DNHD1: variants seen among roughly 807,000 people sequenced by gnomAD.
DNHD1 encodes the protein dynein heavy chain domain-containing protein 1.
A neutral mutation model predicts 458.1 loss-of-function variants in DNHD1; 383 were observed. The ratio of observed to expected loss-of-function variants is 0.84; its 90% CI spans 0.77 to 0.91. The LOEUF (loss-of-function observed/expected upper bound fraction) is 0.91. DNHD1 is among the 40% of genes least tolerant of loss of function. The probability of loss-of-function intolerance (pLI) is 0.00; values close to 1 mark genes in which losing one functional copy is unlikely to be tolerated. For missense variants in DNHD1, 5,336 were observed against 5,866.1 expected (o/e 0.91, Z 2.95); for synonymous variants, 2,203 against 2,376.9 (o/e 0.93, Z 2.13).
At chr11:6,519,899 G>C in intron 8 of DNHD1, 45 bp downstream of exon 8, 1 of 1,612,916 alleles carries the variant, frequency 6.2e-7, no homozygotes, top group African/African-American at 1.3e-5. Context: ...GCAGTCCAGG[G>C]CCAGATGCTG....
rs1395472921 is a variant in DNHD1 at position 6,557,832 on chromosome 11, A to G, written c.8537A>G (p.Glu2846Gly). The change falls in exon 25 of 43, where the codon GAG (glutamate) becomes GGG (glycine). Residue 2846 changes from glutamate (E) to glycine (G), a missense_variant. By Grantham distance (98) the Glu-to-Gly change is moderately conservative. Transcript: ENST00000254579. Reference protein sequence around the residue: ...LYLERQWEKLEEQLATSAAQL... With the variant: ...LYLERQWEKLGEQLATSAAQL... ...CTGGAACGACAGTGGGAGAAGCTAG[A>G]GGAGCAGTTGGCCACCTCAGCTGCT... is the stretch of plus-strand genomic sequence containing the variant. 1 of 1,551,286 alleles carries G rather than the reference A, an allele frequency of 6.4e-7. No individual in the cohort carries two copies. The highest frequency in any genetic ancestry group is 8.7e-7 in the Non-Finnish European group (1 of 1,147,000).
intron 28 of DNHD1, among the ~76,000 whole-genome samples, chr11:6,559,816 T>C (rs531730304): frequency 6.6e-6 from 1 of 152,330 alleles, no homozygotes; most frequent in Non-Finnish European, 1.5e-5. Context: ...GTGTCCTGAA[T>C]TGTCTTACTC....
At position 6,548,435 on chromosome 11, in the gene DNHD1, G is replaced by T. The variant is rs983092286; in HGVS notation, c.7098+33G>T. 2 of 1,545,262 alleles carry T rather than the reference G, an allele frequency of 1.3e-6. No homozygotes were observed. The highest frequency in any genetic ancestry group is 2.7e-5 in the African/African-American group (2 of 72,892). ...GACAGTAAGGCAAGAGCTGGGGTTA[G>T]AACTTCAGGACTTATTTTAGGGGTA... On this transcript the variant is annotated intron_variant, in intron 23 of 42. Transcript: ENST00000254579. The surrounding 1 kb of genome is among the most constrained non-coding windows in gnomAD (Gnocchi z 4.4).
At chr11:6,517,649 CTTCTTTTTTTTTTTTTT>C (rs1852506941) in intron 7 of DNHD1, among the ~76,000 whole-genome samples, 1 of 85,614 alleles carries the variant, frequency 1.2e-5, no homozygotes, top group South Asian at 4.8e-4. Flanking sequence ...TGATCTAGGA[CTTCTTTTTTTTTTTTTT>C]TTTTTTTTTT....
At chr11:6,563,281 C>T (rs946356916) in intron 29 of DNHD1, 101 bp from the exon 30 acceptor site, 3 of 1,498,298 alleles carry the variant, frequency 2.0e-6, no homozygotes, top group Non-Finnish European at 2.7e-6. Flanking sequence ...GGGGAGTGGC[C>T]TCTCATGGGG....
chr11:6,539,181 T>C, intron 16 of DNHD1, 38 bp from the exon 17 acceptor site: 1 of 1,407,520 alleles, frequency 7.1e-7, no homozygotes, highest in Non-Finnish European at 9.8e-7. Flanking sequence ...CTCTGCCACA[T>C]ACTGGGTGTT....
Position 6,557,390 on chromosome 11 carries a change from G to T in DNHD1, c.8095G>T (p.Glu2699Ter). Residue 2699 changes from glutamate to a stop codon, truncating the protein, a stop_gained, in exon 25 of 43, where the codon GAG becomes TAG. Transcript: ENST00000254579. LOFTEE classifies it high-confidence loss of function. Reference protein sequence around the residue: ...LGKDHQESEEEEEEERVPEVE... With the variant: ...LGKDHQESEE ...CAAGGACCATCAGGAGAGTGAGGAGGAGGAGGAGGAGGAGAGGGTGCCCGA... is the reference window on the plus strand; with the variant it reads ...CAAGGACCATCAGGAGAGTGAGGAGTAGGAGGAGGAGGAGAGGGTGCCCGA... The T allele has an allele frequency of 6.4e-7, 1 of 1,550,760 alleles. No individual in the cohort carries two copies.
chr11:6,521,353 T>G (rs1353087065), intron 10 of DNHD1, among the ~76,000 whole-genome samples: 1 of 152,224 alleles, frequency 6.6e-6, no homozygotes. Flanking sequence ...AAATATGCTG[T>G]AGTATTTTTT....
Position 6,544,120 on chromosome 11 carries a change from G to T in DNHD1, c.3629-1G>T. The T allele has an allele frequency of 6.4e-7, 1 of 1,551,536 alleles. No homozygotes were observed. On this transcript the variant is annotated splice_acceptor_variant, in intron 18 of 42. Coordinates refer to ENST00000254579, the MANE Select transcript of DNHD1 (RefSeq NM_144666.3). LOFTEE classifies it high-confidence loss of function. ...TGCCAGTTCAGCTTTTTCTGTCTTA[G>T]ATTACAGCAACCTGCAGGATTCCAT...
At chr11:6,512,211 C>CTTTTTTTTTT (rs11287049) in intron 7 of DNHD1, among the ~76,000 whole-genome samples, 140 of 91,628 alleles carry the variant, frequency 1.5e-3, no homozygotes, top group African/African-American at 1.9e-3. Context: ...CTTTTTCTTT[C>CTTTTTTTTTT]TTTTTTTTTT....
chr11:6,499,232 A>T (rs1001398783), intron 3 of DNHD1, among the ~76,000 whole-genome samples: 25 of 152,250 alleles, frequency 1.6e-4, no homozygotes, highest in African/African-American at 4.8e-4. Flanking sequence ...TTAGAATAAC[A>T]GCTTGACTTT....
At chr11:6,502,967 G>C in intron 4 of DNHD1, 41 bp downstream of exon 4, 1 of 1,601,360 alleles carries the variant, frequency 6.2e-7, no homozygotes, top group Non-Finnish European at 8.5e-7. Context: ...CCCCCTGCCT[G>C]GTTTCCTTCT....
chr11:6,540,175 C>G, intron 18 of DNHD1, 92 bp downstream of exon 18: 1 of 1,143,894 alleles, frequency 8.7e-7, no homozygotes, highest in Non-Finnish European at 1.3e-6. Flanking sequence ...ATCTGATTCT[C>G]TAGCCAGGGC....
In DNHD1 at chr11:6,545,686, G is replaced by C; in HGVS notation, c.4747G>C (p.Asp1583His). ...GCTGGTCATGGCAGTGACTCACCGG[G>C]ATATAGCACAGCTGCTGGAACAGCA... ...ALLVMAVTHRDIAQLLEQHQV... is the reference protein window; with the variant it reads ...ALLVMAVTHRHIAQLLEQHQV... Residue 1583 changes from aspartate to histidine, a missense_variant, in exon 21 of 43, where the codon GAT (aspartate) becomes CAT (histidine). Asp to His is a moderately conservative substitution (Grantham distance 81). Transcript: ENST00000254579. This position sits in a 1 kb window ranked among gnomAD's most constrained non-coding sequence, Gnocchi z 4.9. 1 of 1,551,726 alleles carries C rather than the reference G, an allele frequency of 6.4e-7. No individual in the cohort carries two copies. The highest frequency in any genetic ancestry group is 8.7e-7 in the Non-Finnish European group (1 of 1,147,002).
chr11:6,548,139 G>A lies in DNHD1; in HGVS notation c.6906-71G>A. On this transcript the variant is annotated intron_variant, in intron 22 of 42. Coordinates refer to ENST00000254579, the MANE Select transcript of DNHD1 (RefSeq NM_144666.3). This position sits in a 1 kb window ranked among gnomAD's most constrained non-coding sequence, Gnocchi z 4.4. ...GACATCACTGTTAGGGTATGGTGGA[G>A]TGTGTGAGTGTGTCATAAATGGAAG... is the stretch of plus-strand genomic sequence containing the variant. The A allele has an allele frequency of 2.6e-6, 4 of 1,543,206 alleles. No homozygotes were observed. The highest frequency in any genetic ancestry group is 2.6e-6 in the Non-Finnish European group (3 of 1,139,552).
rs1274334614 is a variant in DNHD1 at position 6,571,012 on chromosome 11, A to G, written c.13500A>G (p.Gln4500=). 1 of 1,595,362 alleles carries G rather than the reference A, an allele frequency of 6.3e-7. No individual in the cohort carries two copies. Among genetic ancestry groups the G allele is most frequent in the Admixed American group, 1.7e-5 (1 of 59,096 alleles). Reference sequence around the variant, plus strand: ...TGAGCCAGTTGGTGGGCACGCTACAACGCGACCTTGATTGCCTGTTGCAGC... The same window carrying G: ...TGAGCCAGTTGGTGGGCACGCTACAGCGCGACCTTGATTGCCTGTTGCAGC... The part of the protein sequence containing the change: ...LELSQLVGTL[Q]RDLDCLLQQL... The change falls in exon 42 of 43, where the codon CAA becomes CAG. Residue 4500 remains glutamine, a synonymous_variant. Transcript: ENST00000254579. The surrounding 1 kb of genome is among the most constrained non-coding windows in gnomAD (Gnocchi z 5.0).
At chr11:6,569,963 C>T (rs1162247587) in intron 39 of DNHD1, 46 bp from the exon 40 acceptor site, 1 of 1,540,654 alleles carries the variant, frequency 6.5e-7, no homozygotes, top group Admixed American at 1.7e-5. Flanking sequence ...CAGTCCTCAG[C>T]ATATAGATGA....
At position 6,505,379 on chromosome 11, in the gene DNHD1, A is replaced by G. The variant is rs983706632; in HGVS notation, c.920+2453A>G. ...GCGATTCTCCTGCCACAGCCTCCCA[A>G]GTAGCTTTGATTACAGGCACTTGCT... is the stretch of plus-strand genomic sequence containing the variant. On this transcript the variant is annotated intron_variant, in intron 4 of 42. Coordinates refer to ENST00000254579, the MANE Select transcript of DNHD1 (RefSeq NM_144666.3). This position sits in a 1 kb window ranked among gnomAD's most constrained non-coding sequence, Gnocchi z 4.4. Among the ~76,000 whole-genome samples, 1 of 151,860 alleles carries G rather than the reference A, an allele frequency of 6.6e-6. No individual in the cohort carries two copies. The highest frequency in any genetic ancestry group is 2.4e-5 in the African/African-American group (1 of 41,348).
chr11:6,570,070 A>ACGGCAAG lies in DNHD1; in HGVS notation c.12925_12926insCGGCAAG (p.Asn4309ThrfsTer25). ...AGACCAGCTGTGGGCAAGTCTTAGC[A>ACGGCAAG]ATCCCCGTGCTGCCATGCAAGAGCT... is the stretch of plus-strand genomic sequence containing the variant. On this transcript the variant is annotated frameshift_variant, in exon 40 of 43. Transcript: ENST00000254579. LOFTEE classifies it high-confidence loss of function. The ACGGCAAG allele has an allele frequency of 6.2e-7, 1 of 1,613,924 alleles. No individual in the cohort carries two copies. The highest frequency in any genetic ancestry group is 8.5e-7 in the Non-Finnish European group (1 of 1,179,862).
Sources: allele counts gnomAD v4.1 joint callset (sites outside exome capture counted in the v4.1 genomes callset), GRCh38; gene constraint gnomAD v4.1.1; non-coding constraint Gnocchi (gnomAD v3.1); transcripts MANE v1.5; gene names NCBI Gene and HGNC (gene_info 2026-07-23, HGNC 2026-07-21).